CNTN4: variants seen among roughly 807,000 people sequenced by gnomAD.
CNTN4 encodes the protein contactin-4.
A neutral mutation model predicts 122.5 loss-of-function variants in CNTN4; 77 were observed. The ratio of observed to expected loss-of-function variants is 0.63; its 90% CI spans 0.52 to 0.76. CNTN4 has a LOEUF of 0.76. Ranked by LOEUF, CNTN4 falls within the 30% of genes least tolerant of loss-of-function variation. CNTN4 has a pLI of 0.00. For missense variants in CNTN4, 1,256 were observed against 1,259.1 expected, an observed-to-expected ratio of 1.00 and a Z score of 0.04; for synonymous variants, 512 against 447.0, an observed-to-expected ratio of 1.15 and a Z score of -1.83.
rs147672052 is a variant in CNTN4 at position 2,840,266 on chromosome 3, A to C, written c.454+20685A>C. 2.6e-4 allele frequency among the ~76,000 whole-genome samples: 40 copies of C among 152,244 alleles called. No homozygotes were observed. The East Asian group carries it at 7.7e-3, about 29-fold the overall frequency. ...AAAGCCAGAAAGTTAACCCAAGATA[A>C]AGTTCTCCATAGAGAGAGAGAATTT... On this transcript the variant is annotated intron_variant, in intron 7 of 24. Transcript: ENST00000418658.
chr3:2,537,235 G>A lies in CNTN4; in HGVS notation c.-88-34181G>A, dbSNP rs899321289. 2.9e-4 allele frequency among the ~76,000 whole-genome samples: 44 copies of A among 152,142 alleles called. 1 individual carries two copies. The highest frequency in any genetic ancestry group is 6.5e-4 in the African/African-American group (27 of 41,534). On this transcript the variant is annotated intron_variant, in intron 3 of 24. Coordinates refer to ENST00000418658, the MANE Select transcript of CNTN4 (RefSeq NM_175607.3). ...ACACAGACAGTTGGAATACTGTCCC[G>A]AAGATATATAATTGTTTGAGTCACA...
intron 2 of CNTN4, among the ~76,000 whole-genome samples, chr3:2,327,476 G>A (rs527535540): frequency 7.2e-4 from 109 of 152,140 alleles, no homozygotes; most frequent in Admixed American, 2.6e-3. Context: ...TTGTTTTAGC[G>A]TTCAGGAGGC....
intron 2 of CNTN4, among the ~76,000 whole-genome samples, chr3:2,162,201 A>G (rs574710766): frequency 9.2e-5 from 14 of 152,300 alleles, no homozygotes; most frequent in Admixed American, 2.6e-4. Flanking sequence ...CTGTGTTTGT[A>G]CTTGAATTAC....
At chr3:2,476,192 T>C (rs535937720) in intron 3 of CNTN4, among the ~76,000 whole-genome samples, 6 of 152,306 alleles carry the variant, frequency 3.9e-5, no homozygotes, top group Admixed American at 6.5e-5. Context: ...CTTGTGGAAA[T>C]TGTGGATGAC....
At chr3:2,646,548 C>T (rs1421876586) in intron 4 of CNTN4, among the ~76,000 whole-genome samples, 2 of 152,174 alleles carry the variant, frequency 1.3e-5, no homozygotes, top group African/African-American at 4.8e-5. Flanking sequence ...CCATGGCTAT[C>T]ATTGTTACCA....
chr3:2,567,760 T>C (rs1400850009), intron 3 of CNTN4, among the ~76,000 whole-genome samples: 1 of 152,192 alleles, frequency 6.6e-6, no homozygotes, highest in Non-Finnish European at 1.5e-5. Context: ...GTTTTCCTTG[T>C]CACTTGGCTC....
At position 2,870,827 on chromosome 3, in the gene CNTN4, G is replaced by A. The variant is rs1490258013; in HGVS notation, c.652+3878G>A. Reference sequence around the variant, plus strand: ...TTCAGCTTGTTTCTTGGGCATTTCAGCTAAGCAGTCTGGACTATGATTTCT... The same window carrying A: ...TTCAGCTTGTTTCTTGGGCATTTCAACTAAGCAGTCTGGACTATGATTTCT... On this transcript the variant is annotated intron_variant, in intron 8 of 24. Transcript: ENST00000418658. 2.0e-5 allele frequency among the ~76,000 whole-genome samples: 3 copies of A among 152,138 alleles called. No homozygotes were observed. The East Asian group carries it at 5.8e-4, about 29-fold the overall frequency.
intron 4 of CNTN4, among the ~76,000 whole-genome samples, chr3:2,724,984 A>G (rs2088120216): frequency 6.6e-6 from 1 of 152,236 alleles, no homozygotes; most frequent in Non-Finnish European, 1.5e-5. Flanking sequence ...TCTGGATTAT[A>G]GTACTCTTAA....
chr3:2,912,970 G>C (rs1559655277), intron 12 of CNTN4, among the ~76,000 whole-genome samples: 1 of 152,174 alleles, frequency 6.6e-6, no homozygotes, highest in African/African-American at 2.4e-5. Context: ...TGGCCAACAT[G>C]GTGAAACCCC....
At chr3:2,626,478 C>T (rs1291409037) in intron 4 of CNTN4, among the ~76,000 whole-genome samples, 2 of 143,410 alleles carry the variant, frequency 1.4e-5, no homozygotes, top group Non-Finnish European at 3.0e-5. Flanking sequence ...GCCTGGGCGA[C>T]AGAGCAAGAC....
intron 6 of CNTN4, among the ~76,000 whole-genome samples, chr3:2,796,802 A>G (rs1401546001): frequency 1.3e-5 from 2 of 152,194 alleles, no homozygotes; most frequent in East Asian, 3.8e-4. Flanking sequence ...TTTTAGCTTC[A>G]TCCTATTCTA....
At chr3:2,177,954 T>C (rs2036830739) in intron 2 of CNTN4, among the ~76,000 whole-genome samples, 1 of 152,074 alleles carries the variant, frequency 6.6e-6, no homozygotes, top group Non-Finnish European at 1.5e-5. Context: ...TTTTAAAATT[T>C]TTTATACTTT....
At chr3:2,639,042 C>A (rs1177914607) in intron 4 of CNTN4, among the ~76,000 whole-genome samples, 1 of 152,164 alleles carries the variant, frequency 6.6e-6, no homozygotes, top group Non-Finnish European at 1.5e-5. Flanking sequence ...CACTGCTTTT[C>A]CCCTTTCCTC....
intron 2 of CNTN4, among the ~76,000 whole-genome samples, chr3:2,303,283 T>C (rs546324278): frequency 2.0e-5 from 3 of 152,172 alleles, no homozygotes; most frequent in South Asian, 2.1e-4. Context: ...GAGTGAATAA[T>C]AATTATAATA....
At chr3:2,846,498 GGTATGTCTTTATTAGCA>G in intron 7 of CNTN4, among the ~76,000 whole-genome samples, 1 of 152,106 alleles carries the variant, frequency 6.6e-6, no homozygotes, top group Non-Finnish European at 1.5e-5. Flanking sequence ...CCCAGTCTCA[GGTATGTCTTTATTAGCA>G]GCATGAGAAG....
intron 6 of CNTN4, among the ~76,000 whole-genome samples, chr3:2,802,834 T>C (rs1234087064): frequency 5.9e-5 from 9 of 151,264 alleles, no homozygotes; most frequent in Non-Finnish European, 2.9e-5. Context: ...ATGACTTGAC[T>C]TAAATGAGAA....
chr3:2,400,902 G>C lies in CNTN4; in HGVS notation c.-89+61669G>C, dbSNP rs545364813. On this transcript the variant is annotated intron_variant, in intron 3 of 24. Transcript: ENST00000418658. ...ATTATTCAAACCCCATCACAGGTTT[G>C]AAATTAACCCTCTTGGGGAACATCA... Among the ~76,000 whole-genome samples, 6 of 151,186 alleles carry C rather than the reference G, an allele frequency of 4.0e-5. No individual in the cohort carries two copies. The South Asian group carries it at 1.2e-3, about 31-fold the overall frequency.
intron 4 of CNTN4, among the ~76,000 whole-genome samples, chr3:2,695,525 C>G (rs912273727): frequency 6.6e-6 from 1 of 152,166 alleles, no homozygotes. Flanking sequence ...ATATCAGTTC[C>G]AACATCTGAT....
intron 7 of CNTN4, among the ~76,000 whole-genome samples, chr3:2,863,149 C>T (rs1485938380): frequency 2.0e-5 from 3 of 152,076 alleles, no homozygotes; most frequent in Non-Finnish European, 4.4e-5. Flanking sequence ...ACATTATATT[C>T]CTCCTGCTCC....
Sources: gnomAD v4.1 joint callset for allele counts (sites outside exome capture counted in the v4.1 genomes callset) on GRCh38, gnomAD v4.1.1 for gene constraint, MANE v1.5 for transcripts, NCBI Gene and HGNC (gene_info 2026-07-23, HGNC 2026-07-21) for gene names.